The following ATRX variants were observed in gnomAD, a reference collection of about 807,000 sequenced individuals.
ATRX encodes the protein ATRX chromatin remodeler, also known as chromatin remodeler ATRX.
In ATRX, 12 loss-of-function variants were observed where a neutral mutation model predicts 172.6. The observed-to-expected ratio is 0.07, with a 90% CI of 0.04 to 0.11. The LOEUF (loss-of-function observed/expected upper bound fraction) is 0.11. Ranked by LOEUF, ATRX falls within the 10% of genes least tolerant of loss-of-function variation. The pLI, the probability that ATRX is intolerant of heterozygous loss-of-function variation, is 1.00. For synonymous variants in ATRX, 674 were observed against 594.7 expected (o/e 1.13, Z -1.94); for missense variants, 1,368 against 1,767.4 (o/e 0.77, Z 4.05).
At chrX:77,727,132 A>G (rs2074081568) in intron 1 of ATRX, among the ~76,000 whole-genome samples, 1 of 111,571 alleles carries the variant, frequency 9.0e-6, no homozygotes, top group South Asian at 3.7e-4. Flanking sequence ...ACAATGAGAT[A>G]CCATCTCATG....
At chrX:77,550,813 CACT>C (rs1557055658) in intron 30 of ATRX, among the ~76,000 whole-genome samples, 2 of 111,577 alleles carry the variant, frequency 1.8e-5, no homozygotes, top group Non-Finnish European at 3.8e-5. Flanking sequence ...CATTCCTATA[CACT>C]AATAAGAGAC....
At chrX:77,525,663 C>A (rs782541635) in intron 30 of ATRX, among the ~76,000 whole-genome samples, 15 of 112,389 alleles carry the variant, frequency 1.3e-4, no homozygotes, top group African/African-American at 4.2e-4. Flanking sequence ...TAATTCATTT[C>A]TATCTGTGCT....
At chrX:77,569,846 C>CA (rs1359055664) in intron 28 of ATRX, among the ~76,000 whole-genome samples, 2 of 111,824 alleles carry the variant, frequency 1.8e-5, no homozygotes, top group East Asian at 5.6e-4. Flanking sequence ...AAAATGATAT[C>CA]AATTCTCTAC....
At chrX:77,511,321 A>G (rs1189079243) in intron 34 of ATRX, among the ~76,000 whole-genome samples, 3 of 111,423 alleles carry the variant, frequency 2.7e-5, no homozygotes, top group Admixed American at 9.5e-5. Context: ...AATACCTAGA[A>G]AGCCTTCCCA....
intron 2 of ATRX, among the ~76,000 whole-genome samples, chrX:77,714,614 A>G (rs1230464379): frequency 8.9e-6 from 1 of 111,858 alleles, no homozygotes; most frequent in African/African-American, 3.2e-5. Context: ...GCCATGTAAC[A>G]GGATGCATGG....
chrX:77,735,631 TAAATA>T (rs2074515967), intron 1 of ATRX, among the ~76,000 whole-genome samples: 1 of 81,532 alleles, frequency 1.2e-5, no homozygotes, highest in Admixed American at 1.5e-4. Flanking sequence ...AATAAATAAA[TAAATA>T]AAAATAAATA....
intron 22 of ATRX, among the ~76,000 whole-genome samples, chrX:77,610,144 A>T (rs2067094290): frequency 9.0e-6 from 1 of 111,257 alleles, no homozygotes; most frequent in South Asian, 3.7e-4. Context: ...TAAAACAATA[A>T]ATTTTTTCTC....
chrX:77,763,473 T>TAA lies in ATRX; in HGVS notation c.20+22507_20+22508dup, dbSNP rs782021851. ...ATACTATTTTCTTTTTTCTTTTTTT[T>TAA]AAAAAAAAAAAAAAAAAAAATGAGT... On this transcript the variant is annotated intron_variant, in intron 1 of 34. Coordinates refer to ENST00000373344, the MANE Select transcript of ATRX (RefSeq NM_000489.6). Among the ~76,000 whole-genome samples, 10 of 84,080 alleles carry TAA rather than the reference T, an allele frequency of 1.2e-4. No individual in the cohort carries two copies. The South Asian group carries it at 4.8e-3, about 40-fold the overall frequency. The allele number at this position is 84,080 out of a possible 115,157, so 73.0% of individuals were successfully genotyped here. A position where few individuals can be genotyped will look rare whatever the true frequency, so the allele number is the denominator to read the frequency against.
At chrX:77,765,911 T>C (rs1355324321) in intron 1 of ATRX, among the ~76,000 whole-genome samples, 2 of 109,169 alleles carry the variant, frequency 1.8e-5, no homozygotes, top group Non-Finnish European at 3.8e-5. Context: ...GCATGCTGCC[T>C]TCAAGCATCT....
At chrX:77,673,403 T>C (rs1191556825) in intron 10 of ATRX, among the ~76,000 whole-genome samples, 1 of 111,185 alleles carries the variant, frequency 9.0e-6, no homozygotes, top group Non-Finnish European at 1.9e-5. Context: ...TATTCTGCCA[T>C]TGAGAAACTA....
rs191816682 is a variant in ATRX at position 77,635,334 on chromosome X, A to T, written c.4699+581T>A. 1.8e-3 allele frequency among the ~76,000 whole-genome samples: 205 copies of T among 111,666 alleles called. 2 individuals carry two copies. Among genetic ancestry groups the T allele is most frequent in the African/African-American group, 6.0e-3 (186 of 30,785 alleles). ...TAAAAAGAGAGCAACTTTATCCAAA[A>T]AGAGAATGGCTTCCTATCAAAAATA... On this transcript the variant is annotated intron_variant, in intron 16 of 34. Transcript: ENST00000373344.
chrX:77,670,946 G>A (rs1213723213), intron 10 of ATRX, among the ~76,000 whole-genome samples: 2 of 104,679 alleles, frequency 1.9e-5, no homozygotes, highest in African/African-American at 3.5e-5. Context: ...TCAGGAGTTC[G>A]AGAGCAGCCT....
At chrX:77,757,673 CTT>C (rs782109182) in intron 1 of ATRX, among the ~76,000 whole-genome samples, 11 of 100,392 alleles carry the variant, frequency 1.1e-4, no homozygotes, top group Admixed American at 2.2e-4. Context: ...AAAGTATTAT[CTT>C]TTTTTTTTTT....
chrX:77,777,038 T>C (rs1386954594), intron 1 of ATRX, among the ~76,000 whole-genome samples: 3 of 109,516 alleles, frequency 2.7e-5, no homozygotes, highest in Admixed American at 1.0e-4. Context: ...CCACAGACAA[T>C]GTAAATAAAT....
In ATRX at chrX:77,561,514, C is replaced by T. The variant is rs1402830086; in HGVS notation, c.6327-2668G>A. 3 of 110,738 alleles carry T rather than the reference C, an allele frequency of 2.7e-5. No homozygotes were observed. The Admixed American group carries it at 2.9e-4, about 11-fold the overall frequency. 9.1% of individuals were successfully genotyped at this position (110,738 alleles called of 1,213,427 possible). ...TAATGCTCCTATAAACCATATTATA[C>T]GTGTCTTTTGATAAAAGCATTTCTG... On this transcript the variant is annotated intron_variant, in intron 28 of 34. Coordinates refer to ENST00000373344, the MANE Select transcript of ATRX (RefSeq NM_000489.6).
At chrX:77,586,071 T>C (rs1285988369) in intron 27 of ATRX, among the ~76,000 whole-genome samples, 2 of 111,666 alleles carry the variant, frequency 1.8e-5, no homozygotes, top group African/African-American at 6.5e-5. Flanking sequence ...AAACTAGTAA[T>C]TGCTAGCACA....
chrX:77,781,459 A>C (rs1214174107), intron 1 of ATRX, among the ~76,000 whole-genome samples: 1 of 108,401 alleles, frequency 9.2e-6, no homozygotes, highest in Non-Finnish European at 1.9e-5. Context: ...AAAAAAAAAA[A>C]AAAAAACTAG....
chrX:77,774,459 T>C (rs1298338163), intron 1 of ATRX, among the ~76,000 whole-genome samples: 1 of 110,845 alleles, frequency 9.0e-6, no homozygotes, highest in South Asian at 3.8e-4. Flanking sequence ...AGGCGGATCA[T>C]GAGGTCAGGA....
chrX:77,706,112 A>T (rs1284878719), intron 2 of ATRX, among the ~76,000 whole-genome samples: 1 of 108,152 alleles, frequency 9.2e-6, no homozygotes, highest in Non-Finnish European at 1.9e-5. Flanking sequence ...TCAGCCTCCT[A>T]AGTAGCTGGG....
Sources: gnomAD v4.1 joint callset for allele counts (sites outside exome capture counted in the v4.1 genomes callset) on GRCh38, gnomAD v4.1.1 for gene constraint, MANE v1.5 for transcripts, NCBI Gene and HGNC (gene_info 2026-07-23, HGNC 2026-07-21) for gene names.